SOX6: variants seen among roughly 807,000 people sequenced by gnomAD.
SOX6 encodes transcription factor SOX-6.
In SOX6, 11 loss-of-function variants were observed where a neutral mutation model predicts 97.8. The observed-to-expected ratio is 0.11, with a 90% CI of 0.07 to 0.19. The LOEUF (loss-of-function observed/expected upper bound fraction) is 0.19, where lower values mean the gene tolerates loss of function less well. SOX6 is among the 10% of genes least tolerant of loss of function. The pLI, the probability that SOX6 is intolerant of heterozygous loss-of-function variation, is 1.00. For missense variants in SOX6, 810 were observed against 1,039.5 expected, an observed-to-expected ratio of 0.78 and a Z score of 3.04; for synonymous variants, 360 against 371.4, an observed-to-expected ratio of 0.97 and a Z score of 0.35.
At position 15,986,207 on chromosome 11, in the gene SOX6, A is replaced by G. The variant is rs754539979; in HGVS notation, c.2180T>C (p.Val727Ala). 3.0e-5 allele frequency: 48 copies of G among 1,613,862 alleles called. No homozygotes were observed. The highest frequency in any genetic ancestry group is 3.9e-5 in the Non-Finnish European group (46 of 1,179,906). The change falls in exon 15 of 16, where the codon GTG becomes GCG. Residue 727 changes from valine to alanine, a missense_variant. Val to Ala is a moderately conservative substitution (Grantham distance 64, BLOSUM62 0). Around this residue, in one of 9 missense-constraint regions of SOX6, gnomAD observed 122 missense variants for 153.4 expected, o/e 0.80. Coordinates refer to ENST00000683767, the MANE Select transcript of SOX6 (RefSeq NM_001367873.1). ...GGCTAAATTCAGGAATACTTACCCCACAGTAAAGAACTGCCTCATCTCCTG... is the reference window on the plus strand; with the variant it reads ...GGCTAAATTCAGGAATACTTACCCCGCAGTAAAGAACTGCCTCATCTCCTG... Reference protein sequence around the residue: ...RRQEMRQFFTVGQQPQIPITT... With the variant: ...RRQEMRQFFTAGQQPQIPITT...
intron 3 of SOX6, among the ~76,000 whole-genome samples, chr11:16,676,723 AAAC>A (rs908123103): frequency 5.3e-5 from 8 of 152,128 alleles, no homozygotes; most frequent in South Asian, 2.1e-4. Flanking sequence ...AACACAAATC[AAAC>A]AACAACAACA....
chr11:16,521,814 G>A (rs139259712), intron 4 of SOX6, among the ~76,000 whole-genome samples: 34 of 152,250 alleles, frequency 2.2e-4, no homozygotes, highest in Non-Finnish European at 3.7e-4. Flanking sequence ...GCCAAGGCTC[G>A]AGAACTATGT....
chr11:16,089,165 C>T (rs973486953), intron 9 of SOX6, among the ~76,000 whole-genome samples: 2 of 152,004 alleles, frequency 1.3e-5, no homozygotes, highest in Admixed American at 6.6e-5. Flanking sequence ...AAGAGAGAGG[C>T]CTTAGGAAAT....
intron 1 of SOX6, among the ~76,000 whole-genome samples, chr11:16,386,907 G>A (rs1051348397): frequency 1.3e-5 from 2 of 151,982 alleles, no homozygotes; most frequent in Non-Finnish European, 2.9e-5. Flanking sequence ...ATATATACTT[G>A]GTACTCAATG....
chr11:16,368,327 C>T (rs898120318), intron 1 of SOX6, among the ~76,000 whole-genome samples: 3 of 152,024 alleles, frequency 2.0e-5, no homozygotes, highest in African/African-American at 7.2e-5. Flanking sequence ...ACAAAAAATT[C>T]AAATGTTGGC....
chr11:16,235,376 A>T (rs1852984513), intron 3 of SOX6, among the ~76,000 whole-genome samples: 1 of 152,104 alleles, frequency 6.6e-6, no homozygotes, highest in Non-Finnish European at 1.5e-5. Flanking sequence ...CAAGATTCAT[A>T]AAGACTACAG....
At chr11:16,319,202 G>T (rs1392862697) in intron 2 of SOX6, among the ~76,000 whole-genome samples, 1 of 152,124 alleles carries the variant, frequency 6.6e-6, no homozygotes, top group Admixed American at 6.6e-5. Flanking sequence ...CAGAAAGTTA[G>T]CCAACATGAA....
intron 3 of SOX6, among the ~76,000 whole-genome samples, chr11:16,248,730 C>T (rs1190165742): frequency 2.0e-5 from 3 of 152,212 alleles, no homozygotes; most frequent in Non-Finnish European, 4.4e-5. Context: ...GGCCTTTTGG[C>T]CTGTAATGGG....
intron 7 of SOX6, among the ~76,000 whole-genome samples, chr11:16,106,385 C>T (rs994021534): frequency 6.6e-6 from 1 of 151,382 alleles, no homozygotes; most frequent in African/African-American, 2.4e-5. Context: ...TATATATATA[C>T]ATATCTACCA....
intron 4 of SOX6, among the ~76,000 whole-genome samples, chr11:16,589,805 A>T (rs1423092262): frequency 6.6e-6 from 1 of 152,180 alleles, no homozygotes; most frequent in Non-Finnish European, 1.5e-5. Context: ...AAGCACATCA[A>T]TATAAATCTA....
chr11:16,120,317 G>T (rs1238451459), intron 6 of SOX6, among the ~76,000 whole-genome samples: 1 of 149,964 alleles, frequency 6.7e-6, no homozygotes, highest in Non-Finnish European at 1.5e-5. Context: ...GTCCCATCAA[G>T]ATAAGATACA....
intron 3 of SOX6, among the ~76,000 whole-genome samples, chr11:16,686,273 C>T (rs1847968524): frequency 6.6e-6 from 1 of 152,248 alleles, no homozygotes; most frequent in Non-Finnish European, 1.5e-5. Flanking sequence ...TCTTTCTTTG[C>T]CACATGGCTA....
intron 4 of SOX6, among the ~76,000 whole-genome samples, chr11:16,596,147 T>C (rs1848211013): frequency 1.3e-5 from 2 of 152,234 alleles, no homozygotes; most frequent in African/African-American, 4.8e-5. Flanking sequence ...ATCATGCTTG[T>C]CCATTTTCTA....
chr11:16,165,564 C>A (rs1425519612), intron 6 of SOX6, among the ~76,000 whole-genome samples: 1 of 152,150 alleles, frequency 6.6e-6, no homozygotes. Context: ...CATAGCATTA[C>A]TGATTTTCAA....
At chr11:16,567,652 C>A (rs922766314) in intron 4 of SOX6, among the ~76,000 whole-genome samples, 1 of 147,506 alleles carries the variant, frequency 6.8e-6, no homozygotes, top group African/African-American at 2.5e-5. Context: ...CTGCAACCTC[C>A]GCCTTCTGGG....
At chr11:16,635,512 A>G (rs888768616) in intron 3 of SOX6, among the ~76,000 whole-genome samples, 4 of 152,228 alleles carry the variant, frequency 2.6e-5, no homozygotes, top group African/African-American at 9.6e-5. Context: ...TCAGGGTGAC[A>G]GAGCATTAAA....
chr11:16,404,948 G>A (rs927516397), intron 1 of SOX6, among the ~76,000 whole-genome samples: 2 of 151,930 alleles, frequency 1.3e-5, no homozygotes, highest in African/African-American at 2.4e-5. Context: ...AGCTTTGTGC[G>A]TGATATCTTT....
intron 4 of SOX6, among the ~76,000 whole-genome samples, chr11:16,494,814 C>G (rs1255044832): frequency 6.6e-6 from 1 of 152,132 alleles, no homozygotes; most frequent in Non-Finnish European, 1.5e-5. Flanking sequence ...CTCCTGCACT[C>G]CTAATCATAG....
chr11:16,285,104 A>G (rs1417156011), intron 3 of SOX6, among the ~76,000 whole-genome samples: 2 of 152,174 alleles, frequency 1.3e-5, no homozygotes, highest in African/African-American at 2.4e-5. Context: ...AACAGATGAA[A>G]CAAACCTGCC....
Sources: allele counts gnomAD v4.1 joint callset (sites outside exome capture counted in the v4.1 genomes callset), GRCh38; gene constraint gnomAD v4.1.1; regional missense constraint gnomAD v4.1.1; transcripts MANE v1.5; gene names NCBI Gene and HGNC (gene_info 2026-07-23, HGNC 2026-07-21).